The following POU2F1 variants were observed in gnomAD, a reference collection of about 807,000 sequenced individuals.
The protein encoded by POU2F1 is POU domain, class 2, transcription factor 1.
Under a neutral mutation model 84.9 loss-of-function variants are expected in POU2F1, and 16 were observed. That is an observed-to-expected ratio of 0.19 (90% CI 0.13 to 0.29). The LOEUF is 0.29. Ranked by LOEUF, POU2F1 falls within the 10% of genes least tolerant of loss-of-function variation. POU2F1 has a pLI of 1.00. For missense variants in POU2F1, 738 were observed against 942.6 expected (o/e 0.78, Z 2.84); for synonymous variants, 368 against 368.3 (o/e 1.00, Z 0.01).
intron 1 of POU2F1, among the ~76,000 whole-genome samples, chr1:167,231,233 A>G (rs897611079): frequency 3.2e-4 from 48 of 152,160 alleles, no homozygotes; most frequent in African/African-American, 1.2e-3. Flanking sequence ...TAGTTTTCAT[A>G]CTTTTTTTTT....
At chr1:167,316,686 C>T (rs940938623) in intron 1 of POU2F1, among the ~76,000 whole-genome samples, 1 of 152,094 alleles carries the variant, frequency 6.6e-6, no homozygotes, top group African/African-American at 2.4e-5. Context: ...TGGTGTCACA[C>T]AGATTCTGGA....
intron 1 of POU2F1, 90 bp downstream of exon 1, chr1:167,221,048 C>A: frequency 8.6e-7 from 1 of 1,168,808 alleles, no homozygotes; most frequent in Non-Finnish European, 1.2e-6. Context: ...TTTATTAGTA[C>A]TCAGGATTAT....
intron 8 of POU2F1, among the ~76,000 whole-genome samples, chr1:167,388,345 T>C (rs180832906): frequency 5.0e-4 from 76 of 152,278 alleles, no homozygotes; most frequent in African/African-American, 1.8e-3. Context: ...TGTGGAAGAG[T>C]GTTGCATAGT....
chr1:167,270,122 C>CT (rs1360036401), intron 1 of POU2F1, among the ~76,000 whole-genome samples: 1 of 151,992 alleles, frequency 6.6e-6, no homozygotes, highest in Non-Finnish European at 1.5e-5. Flanking sequence ...GAAGTAATTC[C>CT]TTTGTAGGAA....
chr1:167,242,735 G>A (rs529241643), intron 1 of POU2F1, among the ~76,000 whole-genome samples: 51 of 152,290 alleles, frequency 3.3e-4, no homozygotes, highest in African/African-American at 1.2e-3. Context: ...AAAGTAACAA[G>A]AAATGAAGAA....
intron 8 of POU2F1, among the ~76,000 whole-genome samples, chr1:167,386,145 G>T (rs575289415): frequency 2.5e-4 from 38 of 152,202 alleles, no homozygotes; most frequent in Admixed American, 2.3e-3. Context: ...TTGCTTAGTG[G>T]TGTTGCAAAA....
At chr1:167,281,200 A>G (rs1249711121) in intron 1 of POU2F1, among the ~76,000 whole-genome samples, 1 of 152,216 alleles carries the variant, frequency 6.6e-6, no homozygotes, top group African/African-American at 2.4e-5. Context: ...GAAAGAGTCA[A>G]ACTCTGTAAA....
At chr1:167,305,447 G>T (rs951243371) in intron 1 of POU2F1, among the ~76,000 whole-genome samples, 1 of 152,128 alleles carries the variant, frequency 6.6e-6, no homozygotes, top group Admixed American at 6.6e-5. Context: ...CAATCTGCCC[G>T]CCTTGGCCTC....
chr1:167,263,617 A>G (rs1651735048), intron 1 of POU2F1, among the ~76,000 whole-genome samples: 1 of 152,164 alleles, frequency 6.6e-6, no homozygotes, highest in Admixed American at 6.5e-5. Flanking sequence ...ATAAACTTCC[A>G]AAAACACAGT....
intron 1 of POU2F1, among the ~76,000 whole-genome samples, chr1:167,226,004 G>A (rs1039263603): frequency 1.3e-5 from 2 of 152,192 alleles, no homozygotes; most frequent in African/African-American, 2.4e-5. Flanking sequence ...GCAGGAATGT[G>A]TTTTTCCTAA....
intron 2 of POU2F1, among the ~76,000 whole-genome samples, chr1:167,353,005 GA>G (rs1196901170): frequency 6.6e-6 from 1 of 152,204 alleles, no homozygotes; most frequent in African/African-American, 2.4e-5. Flanking sequence ...AACTGTTCAT[GA>G]AGGGAAGAAA....
chr1:167,311,808 A>ATTTATTTT (rs1377571169), intron 1 of POU2F1, among the ~76,000 whole-genome samples: 4 of 132,782 alleles, frequency 3.0e-5, no homozygotes, highest in African/African-American at 8.5e-5. Context: ...TTATTTATTT[A>ATTTATTTT]TTTTTTCTTT....
At chr1:167,272,775 GAC>G in intron 1 of POU2F1, among the ~76,000 whole-genome samples, 1 of 152,050 alleles carries the variant, frequency 6.6e-6, no homozygotes, top group East Asian at 1.9e-4. Context: ...TTTGGGTGGG[GAC>G]ACAAATCCAA....
At chr1:167,378,649 G>A (rs1571403152) in intron 7 of POU2F1, among the ~76,000 whole-genome samples, 3 of 150,634 alleles carry the variant, frequency 2.0e-5, no homozygotes, top group Admixed American at 6.6e-5. Context: ...CGGGTGATCC[G>A]CCCACCTCGG....
chr1:167,395,122 A>G (rs1648711307), intron 9 of POU2F1, among the ~76,000 whole-genome samples: 1 of 152,212 alleles, frequency 6.6e-6, no homozygotes, highest in African/African-American at 2.4e-5. Context: ...TGTTTCCTGT[A>G]TATAAAGCAA....
chr1:167,373,994 A>G, intron 5 of POU2F1, 114 bp from the exon 6 acceptor site: 1 of 905,934 alleles, frequency 1.1e-6, no homozygotes, highest in East Asian at 2.5e-5. Context: ...AAGCAAGTGA[A>G]GTTGGGTAGC....
Position 167,360,083 on chromosome 1 carries a change from GCA to G in POU2F1, c.128-5381_128-5380del, listed in dbSNP as rs896698970. Among the ~76,000 whole-genome samples, 5 of 151,750 alleles carry G rather than the reference GCA, an allele frequency of 3.3e-5. No homozygotes were observed. In the South Asian group the frequency reaches 6.2e-4, roughly 19 times the overall value. On this transcript the variant is annotated intron_variant, in intron 2 of 15. Transcript: ENST00000367866. ...TTTGGATATTAGTCCTTTTTTGGAT[GCA>G]CAGTTTGCTAATATTTTCTCCTATT...
At chr1:167,410,527 A>ATT (rs1452681200) in intron 13 of POU2F1, among the ~76,000 whole-genome samples, 1 of 138,620 alleles carries the variant, frequency 7.2e-6, no homozygotes, top group Non-Finnish European at 1.5e-5. Context: ...TATTATTATT[A>ATT]TTATTTTTAA....
chr1:167,238,385 AAT>A (rs973926844), intron 1 of POU2F1, among the ~76,000 whole-genome samples: 2 of 152,224 alleles, frequency 1.3e-5, no homozygotes, highest in African/African-American at 4.8e-5. Flanking sequence ...ATGCCCATAA[AAT>A]TTGAAAACAA....
Sources: allele counts gnomAD v4.1 joint callset (sites outside exome capture counted in the v4.1 genomes callset), GRCh38; gene constraint gnomAD v4.1.1; transcripts MANE v1.5; gene names NCBI Gene and HGNC (gene_info 2026-07-23, HGNC 2026-07-21).